The following PPARGC1A variants were observed in gnomAD, a reference collection of about 807,000 sequenced individuals.
The protein encoded by PPARGC1A is peroxisome proliferator-activated receptor gamma coactivator 1-alpha.
PPARGC1A carries 25 observed loss-of-function variants against 88.7 expected under a neutral mutation model. The observed-to-expected ratio is 0.28, with a 90% confidence interval of 0.21 to 0.39. The LOEUF (loss-of-function observed/expected upper bound fraction) is 0.39, where lower values mean the gene tolerates loss of function less well. PPARGC1A is among the 10% of genes least tolerant of loss of function. The probability of loss-of-function intolerance (pLI) is 1.00; values close to 1 mark genes in which losing one functional copy is unlikely to be tolerated. For missense variants in PPARGC1A, 880 were observed against 968.7 expected (o/e 0.91, Z 1.22); for synonymous variants, 363 against 355.6 (o/e 1.02, Z -0.24).
chr4:23,955,635 C>G, the PPARGC1A span, among the ~76,000 whole-genome samples: 7 of 152,128 alleles, frequency 4.6e-5, no homozygotes, highest in East Asian at 1.4e-3. Context: ...GGCTATAACA[C>G]GATCATTTAT....
the PPARGC1A span, among the ~76,000 whole-genome samples, chr4:23,951,248 G>T: frequency 6.6e-6 from 1 of 152,132 alleles, no homozygotes; most frequent in Admixed American, 6.6e-5. Context: ...ACCAAGCCAA[G>T]TAAGTAAGAG....
chr4:24,341,529 G>T, the PPARGC1A span, among the ~76,000 whole-genome samples: 2 of 152,104 alleles, frequency 1.3e-5, no homozygotes, highest in Admixed American at 6.5e-5. Context: ...TGAACAAACT[G>T]TGCAAATGTT....
intron 2 of PPARGC1A, among the ~76,000 whole-genome samples, chr4:23,839,610 G>A (rs1444162122): frequency 2.6e-5 from 4 of 152,066 alleles, no homozygotes; most frequent in Admixed American, 2.6e-4. Context: ...GCATAGTCTC[G>A]AATGAAAATC....
the PPARGC1A span, among the ~76,000 whole-genome samples, chr4:24,316,435 T>C: frequency 3.3e-5 from 5 of 152,370 alleles, no homozygotes; most frequent in Non-Finnish European, 7.4e-5. Context: ...TTCGATAACC[T>C]GCAGTCTTTT....
rs1560488185 is a variant in PPARGC1A at position 23,873,214 on chromosome 4, AAATAAAAAAT to A, written c.234+11528_234+11537del. On this transcript the variant is annotated intron_variant, in intron 2 of 12. Transcript: ENST00000264867. ...CTCCGTCTCAAAAATAAAAAATAAA[AAATAAAAAAT>A]AAAGAAAAAAATGTGACCAGCCATA... Among the ~76,000 whole-genome samples, 772 of 145,794 alleles carry A rather than the reference AAATAAAAAAT, an allele frequency of 5.3e-3. 70 individuals are homozygous for A. Among genetic ancestry groups the A allele is most frequent in the African/African-American group, 0.014 (557 of 40,392 alleles).
In PPARGC1A at chr4:23,813,883, A is replaced by G. The variant is rs199669057; in HGVS notation, c.1600T>C (p.Phe534Leu). The G allele has an allele frequency of 9.4e-5, 152 of 1,613,950 alleles. No homozygotes were observed. The highest frequency in any genetic ancestry group is 4.9e-4 in the Middle Eastern group (3 of 6,078). Residue 534 changes from phenylalanine (F) to leucine (L), a missense_variant, in exon 8 of 13, where the codon TTC becomes CTC. Coordinates refer to ENST00000264867, the MANE Select transcript of PPARGC1A (RefSeq NM_013261.5). ...GAAGAACAAGAAGGAGACACATTGAACAATGAATAGGATTGCGTGCCATCC... is the reference window on the plus strand; with the variant it reads ...GAAGAACAAGAAGGAGACACATTGAGCAATGAATAGGATTGCGTGCCATCC... ...PWDGTQSYSL[F>L]NVSPSCSSFN...
At chr4:24,149,504 T>A in the PPARGC1A span, among the ~76,000 whole-genome samples, 1 of 152,212 alleles carries the variant, frequency 6.6e-6, no homozygotes, top group Non-Finnish European at 1.5e-5. Flanking sequence ...GATTGCCGTT[T>A]TTATTACTAA....
chr4:24,088,915 G>T, the PPARGC1A span, among the ~76,000 whole-genome samples: 3,128 of 152,230 alleles, frequency 0.021, 116 homozygotes, highest in African/African-American at 0.067. Context: ...CTTTGGGCAG[G>T]TTATGTAACC....
the PPARGC1A span, among the ~76,000 whole-genome samples, chr4:24,163,051 T>G: frequency 6.6e-6 from 1 of 151,810 alleles, no homozygotes; most frequent in South Asian, 2.1e-4. Context: ...TTACAAAATA[T>G]TGTCATATGC....
the PPARGC1A span, among the ~76,000 whole-genome samples, chr4:23,974,539 G>A: frequency 1.3e-5 from 2 of 152,098 alleles, no homozygotes; most frequent in African/African-American, 4.8e-5. Flanking sequence ...AGGAGAAAAT[G>A]GTCTCCAAGA....
At chr4:24,106,479 A>G in the PPARGC1A span, among the ~76,000 whole-genome samples, 1 of 152,218 alleles carries the variant, frequency 6.6e-6, no homozygotes, top group African/African-American at 2.4e-5. Context: ...CCTCAACAGA[A>G]AAAGGAAGCC....
the PPARGC1A span, among the ~76,000 whole-genome samples, chr4:24,182,772 G>A: frequency 2.6e-5 from 4 of 152,124 alleles, no homozygotes; most frequent in African/African-American, 9.7e-5. Context: ...GAGGAATAAG[G>A]TTAATAAGAC....
At chr4:23,955,413 A>G in the PPARGC1A span, among the ~76,000 whole-genome samples, 7 of 151,240 alleles carry the variant, frequency 4.6e-5, no homozygotes, top group East Asian at 1.4e-3. Context: ...ATTACTCCCT[A>G]GTATCTACAC....
At chr4:24,285,420 G>T in the PPARGC1A span, among the ~76,000 whole-genome samples, 2 of 152,106 alleles carry the variant, frequency 1.3e-5, no homozygotes, top group Non-Finnish European at 2.9e-5. Flanking sequence ...AGGGTGAAAG[G>T]GGGCTGTAAA....
chr4:23,910,275 AACCC>A, the PPARGC1A span, among the ~76,000 whole-genome samples: 209 of 77,068 alleles, frequency 2.7e-3, 5 homozygotes, highest in Non-Finnish European at 5.2e-3. Context: ...AATATATATT[AACCC>A]TATATATTAT....
chr4:23,840,211 C>T (rs1401340869), intron 2 of PPARGC1A, among the ~76,000 whole-genome samples: 1 of 152,004 alleles, frequency 6.6e-6, no homozygotes, highest in African/African-American at 2.4e-5. Context: ...CCAAGCAGAA[C>T]CTTTTTTGAG....
chr4:24,171,423 G>A, the PPARGC1A span, among the ~76,000 whole-genome samples: 3 of 151,350 alleles, frequency 2.0e-5, no homozygotes, highest in African/African-American at 4.9e-5. Context: ...AAAGTGTCCC[G>A]TGCCCATCTT....
chr4:23,832,608 TTTTC>T (rs1240003798), intron 2 of PPARGC1A, among the ~76,000 whole-genome samples: 54 of 141,848 alleles, frequency 3.8e-4, no homozygotes, highest in African/African-American at 1.6e-3. Flanking sequence ...TTCTTTTTCT[TTTTC>T]TTTTTTTTTT....
At chr4:23,857,050 T>G (rs1431479583) in intron 2 of PPARGC1A, among the ~76,000 whole-genome samples, 1 of 152,104 alleles carries the variant, frequency 6.6e-6, no homozygotes, top group Non-Finnish European at 1.5e-5. Context: ...ATTTGAAAAC[T>G]TAAAAAATGG....
Sources: gnomAD v4.1 joint callset for allele counts (sites outside exome capture counted in the v4.1 genomes callset) on GRCh38, gnomAD v4.1.1 for gene constraint, MANE v1.5 for transcripts, NCBI Gene and HGNC (gene_info 2026-07-23, HGNC 2026-07-21) for gene names.